Variants in PARD3B observed in about 807,000 individuals in gnomAD.
PARD3B encodes the protein par-3 family cell polarity regulator beta, also known as partitioning defective 3 homolog B.
Under a neutral mutation model 130.2 loss-of-function variants are expected in PARD3B, and 103 were observed. The ratio of observed to expected loss-of-function variants is 0.79; its 90% CI spans 0.67 to 0.93. PARD3B has a LOEUF of 0.93. Ranked by LOEUF, PARD3B falls within the 40% of genes least tolerant of loss-of-function variation. The pLI is 0.00. For synonymous variants in PARD3B, 583 were observed against 553.2 expected (o/e 1.05, Z -0.76); for missense variants, 1,609 against 1,499.2 (o/e 1.07, Z -1.21).
chr2:204,550,078 G>C (rs2030332454), intron 1 of PARD3B, among the ~76,000 whole-genome samples: 1 of 152,100 alleles, frequency 6.6e-6, no homozygotes, highest in Non-Finnish European at 1.5e-5. Flanking sequence ...ATTTTATATA[G>C]ACAGTTGTCC....
At chr2:204,935,166 A>G (rs1209861851) in intron 2 of PARD3B, among the ~76,000 whole-genome samples, 1 of 104,994 alleles carries the variant, frequency 9.5e-6, no homozygotes, top group Non-Finnish European at 2.0e-5. Context: ...TTTTTTTTAC[A>G]TTTCTCTATC....
rs894325259 is a variant in PARD3B at position 205,310,084 on chromosome 2, T to C, written c.2630+8383T>C. Reference sequence around the variant, plus strand: ...TGGTGAGAACACTTAAAATCTACTCTTTTTTTTTTTTTTTTTTTGAGACAG... The same window carrying C: ...TGGTGAGAACACTTAAAATCTACTCCTTTTTTTTTTTTTTTTTTGAGACAG... On this transcript the variant is annotated intron_variant, in intron 18 of 22. Transcript: ENST00000406610. Among the ~76,000 whole-genome samples the C allele has an allele frequency of 1.0e-4, 7 of 69,986 alleles. No individual in the cohort carries two copies. The East Asian group carries it at 3.3e-3, about 33-fold the overall frequency. The allele number at this position is 69,986 out of a possible 152,430, so 45.9% of individuals were successfully genotyped here. A position where few individuals can be genotyped will look rare whatever the true frequency, so the allele number is the denominator to read the frequency against.
chr2:205,042,538 A>G (rs1023309970), intron 3 of PARD3B, among the ~76,000 whole-genome samples: 1 of 151,470 alleles, frequency 6.6e-6, no homozygotes, highest in African/African-American at 2.4e-5. Flanking sequence ...GCAGCTACAT[A>G]CCCAATCAGG....
chr2:205,148,176 A>G (rs1339093140), intron 10 of PARD3B, among the ~76,000 whole-genome samples: 1 of 152,030 alleles, frequency 6.6e-6, no homozygotes, highest in Non-Finnish European at 1.5e-5. Context: ...GTCTATCTAT[A>G]TAGTCTGTGT....
chr2:205,205,003 G>C, intron 15 of PARD3B, among the ~76,000 whole-genome samples: 1 of 152,194 alleles, frequency 6.6e-6, no homozygotes, highest in East Asian at 1.9e-4. Flanking sequence ...ATGGTAGCTT[G>C]ATGGGGATAG....
At chr2:205,103,734 G>A (rs1702994922) in intron 4 of PARD3B, 2 of 985,334 alleles carry the variant, frequency 2.0e-6, no homozygotes, top group East Asian at 1.1e-4. Context: ...CATCAGGCGT[G>A]CTTTCTAGAA....
At chr2:204,583,064 T>G (rs2032645646) in intron 1 of PARD3B, among the ~76,000 whole-genome samples, 1 of 149,958 alleles carries the variant, frequency 6.7e-6, no homozygotes, top group African/African-American at 2.5e-5. Context: ...GAAGTCAGTG[T>G]GGCGATTCCT....
At chr2:204,900,858 G>A (rs2046827828) in intron 2 of PARD3B, among the ~76,000 whole-genome samples, 1 of 152,196 alleles carries the variant, frequency 6.6e-6, no homozygotes, top group Non-Finnish European at 1.5e-5. Flanking sequence ...GTAACACTGT[G>A]ACTTTTGCAG....
chr2:205,119,371 C>CTGT (rs1003923084), intron 7 of PARD3B, among the ~76,000 whole-genome samples: 2 of 152,058 alleles, frequency 1.3e-5, no homozygotes, highest in African/African-American at 4.8e-5. Context: ...TTTTCACAGA[C>CTGT]TGTTGGTTCA....
chr2:204,813,053 A>T (rs566815022), intron 2 of PARD3B, among the ~76,000 whole-genome samples: 64 of 152,302 alleles, frequency 4.2e-4, no homozygotes, highest in African/African-American at 1.5e-3. Context: ...TTATGAACCT[A>T]TACTTTTATT....
intron 16 of PARD3B, among the ~76,000 whole-genome samples, chr2:205,279,082 A>ACAAAC (rs1187401653): frequency 1.3e-4 from 19 of 150,238 alleles, no homozygotes; most frequent in Middle Eastern, 7.0e-3. Flanking sequence ...AAAAAAAAAA[A>ACAAAC]AAAAAAAAAA....
intron 2 of PARD3B, among the ~76,000 whole-genome samples, chr2:204,923,119 G>A (rs1365622265): frequency 6.6e-6 from 1 of 151,970 alleles, no homozygotes; most frequent in Non-Finnish European, 1.5e-5. Flanking sequence ...TTTATTAATT[G>A]TAAAAATTAT....
rs2055421188 is a variant in PARD3B, at chr2:205,615,991, T to G, written c.*178T>G. ...GAGAGAAAAAGAAGGGGAAGGGAATTGGGGAGGAAAAAAAATCAGAAGGAA... is the reference window on the plus strand; with the variant it reads ...GAGAGAAAAAGAAGGGGAAGGGAATGGGGGAGGAAAAAAAATCAGAAGGAA... On this transcript the variant is annotated 3_prime_UTR_variant, in exon 23 of 23. Transcript: ENST00000406610. 2 of 595,438 alleles carry G rather than the reference T, an allele frequency of 3.4e-6. No homozygotes were observed. The highest frequency in any genetic ancestry group is 5.6e-6 in the Non-Finnish European group (2 of 354,030). 36.9% of individuals were successfully genotyped at this position (595,438 alleles called of 1,614,324 possible).
intron 2 of PARD3B, among the ~76,000 whole-genome samples, chr2:204,901,763 G>C (rs190875580): frequency 6.6e-6 from 1 of 152,192 alleles, no homozygotes; most frequent in East Asian, 1.9e-4. Context: ...GAACGGCCTG[G>C]GTACTGCTGC....
At position 204,860,780 on chromosome 2, in the gene PARD3B, T is replaced by G. The variant is rs187305933; in HGVS notation, c.223-104372T>G. On this transcript the variant is annotated intron_variant, in intron 2 of 22. Coordinates refer to ENST00000406610, the MANE Select transcript of PARD3B (RefSeq NM_001302769.2). ...GTTTTTACTACTGAAAAGATATCTCTTTGAAGCATTATTTATAAAAAGTTT... is the reference window on the plus strand; with the variant it reads ...GTTTTTACTACTGAAAAGATATCTCGTTGAAGCATTATTTATAAAAAGTTT... 1.9e-3 allele frequency among the ~76,000 whole-genome samples: 290 copies of G among 152,316 alleles called. 2 individuals carry two copies. In the South Asian group the frequency reaches 0.029, roughly 15 times the overall value.
At chr2:204,771,911 A>G (rs2041404053) in intron 2 of PARD3B, among the ~76,000 whole-genome samples, 1 of 152,070 alleles carries the variant, frequency 6.6e-6, no homozygotes, top group African/African-American at 2.4e-5. Flanking sequence ...TAATTTTAAT[A>G]TGCTGGAAAG....
At chr2:205,450,463 A>ATTT (rs1559106458) in intron 20 of PARD3B, among the ~76,000 whole-genome samples, 1 of 124,086 alleles carries the variant, frequency 8.1e-6, no homozygotes, top group African/African-American at 3.4e-5. Flanking sequence ...TTAAGTGCAG[A>ATTT]TTCTTTTTTT....
At chr2:205,402,251 T>G (rs1053993752) in intron 19 of PARD3B, among the ~76,000 whole-genome samples, 2 of 152,216 alleles carry the variant, frequency 1.3e-5, no homozygotes, top group African/African-American at 4.8e-5. Context: ...ACATTGTTGT[T>G]GACTATTCAC....
At chr2:205,400,021 G>A (rs1158093852) in intron 18 of PARD3B, among the ~76,000 whole-genome samples, 1 of 152,142 alleles carries the variant, frequency 6.6e-6, no homozygotes, top group Non-Finnish European at 1.5e-5. Context: ...GGTAAAATGA[G>A]AGCATTGAAC....
Sources: gnomAD v4.1 joint callset for allele counts (sites outside exome capture counted in the v4.1 genomes callset) on GRCh38, gnomAD v4.1.1 for gene constraint, MANE v1.5 for transcripts, NCBI Gene and HGNC (gene_info 2026-07-23, HGNC 2026-07-21) for gene names.